ZNF704: variants seen among roughly 807,000 people sequenced by gnomAD.
ZNF704 encodes glucocorticoid induced gene 1.
In ZNF704, 10 loss-of-function variants were observed where a neutral mutation model predicts 44.7. That is an observed-to-expected ratio of 0.22 (90% confidence interval 0.14 to 0.38). The LOEUF (loss-of-function observed/expected upper bound fraction) is 0.38. Ranked by LOEUF, ZNF704 falls within the 10% of genes least tolerant of loss-of-function variation. The pLI, the probability that ZNF704 is intolerant of heterozygous loss-of-function variation, is 1.00. For missense variants in ZNF704, 390 were observed against 545.5 expected, an observed-to-expected ratio of 0.71 and a Z score of 2.84; for synonymous variants, 211 against 207.6, an observed-to-expected ratio of 1.02 and a Z score of -0.14.
chr8:80,808,012 G>C (rs1375250486), intron 2 of ZNF704, among the ~76,000 whole-genome samples: 1 of 152,198 alleles, frequency 6.6e-6, no homozygotes, highest in Non-Finnish European at 1.5e-5. Flanking sequence ...CGGACAAACA[G>C]TGTGGGGAGA....
chr8:80,859,276 T>C (rs1255429044), intron 1 of ZNF704, among the ~76,000 whole-genome samples: 1 of 152,212 alleles, frequency 6.6e-6, no homozygotes, highest in Non-Finnish European at 1.5e-5. Context: ...AGATGAAACA[T>C]GAGACCAGAC....
intron 4 of ZNF704, among the ~76,000 whole-genome samples, chr8:80,682,416 A>C (rs1403898666): frequency 2.6e-5 from 4 of 152,262 alleles, no homozygotes; most frequent in Admixed American, 2.6e-4. Context: ...ATAAATGGAA[A>C]TGATGAAGGC....
intron 2 of ZNF704, among the ~76,000 whole-genome samples, chr8:80,806,479 G>T (rs1257857411): frequency 6.6e-6 from 1 of 152,040 alleles, no homozygotes; most frequent in Non-Finnish European, 1.5e-5. Flanking sequence ...AAAGGTTTGT[G>T]TTTTTTTCTT....
intron 2 of ZNF704, among the ~76,000 whole-genome samples, chr8:80,708,053 C>T (rs561476050): frequency 2.0e-4 from 30 of 152,252 alleles, no homozygotes; most frequent in African/African-American, 7.0e-4. Context: ...ATTGCATTAC[C>T]AATATATGTT....
At chr8:80,862,055 G>A (rs906076776) in intron 1 of ZNF704, among the ~76,000 whole-genome samples, 8 of 130,802 alleles carry the variant, frequency 6.1e-5, no homozygotes, top group African/African-American at 2.4e-4. Flanking sequence ...CCAGGCTGGA[G>A]TGCAGTGGTG....
At chr8:80,880,362 G>A in the ZNF704 span, among the ~76,000 whole-genome samples, 27 of 152,218 alleles carry the variant, frequency 1.8e-4, no homozygotes, top group African/African-American at 6.0e-4. Flanking sequence ...ACTGTATTGA[G>A]CAGAAAAAGA....
intron 7 of ZNF704, among the ~76,000 whole-genome samples, chr8:80,649,529 G>C (rs1381094897): frequency 2.0e-5 from 3 of 152,182 alleles, no homozygotes; most frequent in Non-Finnish European, 2.9e-5. Context: ...CCTGCACCTG[G>C]CTCGGAGGGT....
intron 2 of ZNF704, among the ~76,000 whole-genome samples, chr8:80,736,076 A>G (rs1019190880): frequency 7.2e-5 from 11 of 152,348 alleles, no homozygotes; most frequent in African/African-American, 2.6e-4. Flanking sequence ...GTCAAGTGGC[A>G]AACTCTTATA....
At chr8:80,682,682 C>T (rs1585949270) in intron 4 of ZNF704, among the ~76,000 whole-genome samples, 1 of 152,190 alleles carries the variant, frequency 6.6e-6, no homozygotes, top group East Asian at 1.9e-4. Context: ...TCTCTCCACA[C>T]CTATGCTTCT....
intron 4 of ZNF704, among the ~76,000 whole-genome samples, chr8:80,677,770 T>C (rs2131622223): frequency 6.6e-6 from 1 of 152,304 alleles, no homozygotes; most frequent in Middle Eastern, 3.4e-3. Context: ...TCAGAAAGGT[T>C]GTGTTTTGGG....
chr8:80,881,290 A>C, the ZNF704 span, among the ~76,000 whole-genome samples: 4 of 152,378 alleles, frequency 2.6e-5, no homozygotes, highest in East Asian at 7.7e-4. Flanking sequence ...AGAATGATTT[A>C]AAAAGAAGTC....
At chr8:80,723,931 G>C (rs1806426640) in intron 2 of ZNF704, among the ~76,000 whole-genome samples, 1 of 152,208 alleles carries the variant, frequency 6.6e-6, no homozygotes, top group Non-Finnish European at 1.5e-5. Flanking sequence ...TTAGTTAGTT[G>C]TTAATGAGGG....
At chr8:80,644,644 G>A (rs1402307018) in intron 7 of ZNF704, among the ~76,000 whole-genome samples, 1 of 152,110 alleles carries the variant, frequency 6.6e-6, no homozygotes, top group Non-Finnish European at 1.5e-5. Flanking sequence ...CTCAAACTCA[G>A]ATGCTTCCTC....
At chr8:80,798,350 G>A (rs551409602) in intron 2 of ZNF704, among the ~76,000 whole-genome samples, 31 of 151,954 alleles carry the variant, frequency 2.0e-4, no homozygotes, top group African/African-American at 7.2e-4. Flanking sequence ...CCGCCTCCCA[G>A]GTTCAAGTGA....
chr8:80,683,575 G>A (rs1000769564), intron 4 of ZNF704, among the ~76,000 whole-genome samples: 2 of 152,160 alleles, frequency 1.3e-5, no homozygotes, highest in African/African-American at 4.8e-5. Flanking sequence ...TGCTATTTAA[G>A]TTAAACTGAT....
chr8:80,868,977 G>GT (rs1300509726), intron 1 of ZNF704, among the ~76,000 whole-genome samples: 1 of 152,196 alleles, frequency 6.6e-6, no homozygotes. Context: ...GCAACGTAGT[G>GT]TAATGCATGT....
At chr8:80,870,535 C>T (rs1809234193) in intron 1 of ZNF704, among the ~76,000 whole-genome samples, 1 of 152,214 alleles carries the variant, frequency 6.6e-6, no homozygotes, top group Admixed American at 6.5e-5. Flanking sequence ...ATCTCAGCAG[C>T]ATTCAATACA....
At chr8:80,794,081 T>C (rs908912168) in intron 2 of ZNF704, among the ~76,000 whole-genome samples, 4 of 151,908 alleles carry the variant, frequency 2.6e-5, no homozygotes, top group Non-Finnish European at 5.9e-5. Flanking sequence ...AACAAGAAAA[T>C]TGACATTAGT....
At chr8:80,645,263 G>T in intron 7 of ZNF704, 1 of 1,254,534 alleles carries the variant, frequency 8.0e-7, no homozygotes, top group South Asian at 1.4e-5. Context: ...CCATATGTAG[G>T]AGGATAGACA....
Sources: allele counts gnomAD v4.1 joint callset (sites outside exome capture counted in the v4.1 genomes callset), GRCh38; gene constraint gnomAD v4.1.1; transcripts MANE v1.5; gene names NCBI Gene and HGNC (gene_info 2026-07-23, HGNC 2026-07-21).